Variants in PPP2R3A observed in about 807,000 individuals in gnomAD.
PPP2R3A encodes the protein serine/threonine-protein phosphatase 2A regulatory subunit B'' subunit alpha.
Under a neutral mutation model 106.9 loss-of-function variants are expected in PPP2R3A, and 80 were observed. That is an observed-to-expected ratio of 0.75 (90% CI 0.62 to 0.90). PPP2R3A has a LOEUF of 0.90. Among genes scored for constraint, PPP2R3A ranks in the 40% least tolerant of loss-of-function variants. The probability of loss-of-function intolerance (pLI) is 0.00; values close to 1 mark genes in which losing one functional copy is unlikely to be tolerated. For synonymous variants in PPP2R3A, 483 were observed against 468.3 expected, an observed-to-expected ratio of 1.03 and a Z score of -0.41; for missense variants, 1,386 against 1,350.4, an observed-to-expected ratio of 1.03 and a Z score of -0.41.
chr3:136,010,969 C>T (rs1384228363), intron 2 of PPP2R3A, among the ~76,000 whole-genome samples: 1 of 152,198 alleles, frequency 6.6e-6, no homozygotes, highest in East Asian at 1.9e-4. Flanking sequence ...GTCTGCTCTT[C>T]TTCACTCCAG....
At chr3:136,080,103 T>C (rs1019509303) in intron 7 of PPP2R3A, among the ~76,000 whole-genome samples, 1 of 152,258 alleles carries the variant, frequency 6.6e-6, no homozygotes, top group Non-Finnish European at 1.5e-5. Flanking sequence ...GTATGGCTGC[T>C]ATTTTGAGGG....
intron 5 of PPP2R3A, among the ~76,000 whole-genome samples, chr3:136,053,929 G>A (rs1480183616): frequency 1.3e-5 from 2 of 152,034 alleles, no homozygotes; most frequent in African/African-American, 2.4e-5. Flanking sequence ...CCAGGTATAT[G>A]AGGAAAATGA....
At chr3:135,993,496 A>C (rs1335768685) in intron 1 of PPP2R3A, among the ~76,000 whole-genome samples, 2 of 152,196 alleles carry the variant, frequency 1.3e-5, no homozygotes, top group African/African-American at 4.8e-5. Context: ...GGTTCTTATA[A>C]AGTTAAATGT....
intron 13 of PPP2R3A, among the ~76,000 whole-genome samples, chr3:136,124,221 G>A (rs1938098572): frequency 6.6e-6 from 1 of 152,138 alleles, no homozygotes; most frequent in Admixed American, 6.5e-5. Flanking sequence ...TGGGCACAGT[G>A]GCTCATGCCA....
intron 5 of PPP2R3A, among the ~76,000 whole-genome samples, chr3:136,069,231 G>A (rs1330077818): frequency 6.6e-6 from 1 of 152,126 alleles, no homozygotes; most frequent in African/African-American, 2.4e-5. Flanking sequence ...AGCTGGGAGA[G>A]GAGCATAGGA....
At chr3:135,968,528 G>A (rs765291110) in intron 1 of PPP2R3A, among the ~76,000 whole-genome samples, 1 of 152,176 alleles carries the variant, frequency 6.6e-6, no homozygotes, top group South Asian at 2.1e-4. Context: ...CCAGGAACAC[G>A]GAGAGTGATG....
chr3:136,081,176 A>G lies in PPP2R3A; in HGVS notation c.2632-1089A>G, dbSNP rs577735667. On this transcript the variant is annotated intron_variant, in intron 7 of 13. Transcript: ENST00000264977. ...CCCAGCTAATATTTGTATTTATAGT[A>G]GAGACGGGGTTTCACCATCTTGGCC... Among the ~76,000 whole-genome samples, 5 of 151,964 alleles carry G rather than the reference A, an allele frequency of 3.3e-5. No homozygotes were observed. In the South Asian group the frequency reaches 8.3e-4, roughly 25 times the overall value.
intron 12 of PPP2R3A, 111 bp downstream of exon 12, chr3:136,103,487 G>C (rs1442297410): frequency 1.4e-6 from 1 of 737,656 alleles, no homozygotes. Flanking sequence ...GGTAACATTT[G>C]TAACATTTCA....
At chr3:136,036,629 C>T (rs72983409) in intron 3 of PPP2R3A, among the ~76,000 whole-genome samples, 1,650 of 152,262 alleles carry the variant, frequency 0.011, 25 homozygotes, top group African/African-American at 0.037. Context: ...TTGGGTCCCA[C>T]AGGAACAGTC....
intron 5 of PPP2R3A, among the ~76,000 whole-genome samples, chr3:136,062,077 T>C (rs1030919322): frequency 6.6e-6 from 1 of 152,172 alleles, no homozygotes; most frequent in Admixed American, 6.5e-5. Flanking sequence ...GAAATGGATT[T>C]GAACTTAGAT....
intron 1 of PPP2R3A, among the ~76,000 whole-genome samples, chr3:135,976,515 CAACAT>C (rs1287691541): frequency 1.4e-4 from 21 of 152,264 alleles, no homozygotes; most frequent in Admixed American, 3.9e-4. Context: ...CTAGAATACA[CAACAT>C]AACAGGTGCT....
chr3:136,018,775 A>G (rs1214859498), intron 2 of PPP2R3A, among the ~76,000 whole-genome samples: 1 of 152,192 alleles, frequency 6.6e-6, no homozygotes, highest in Non-Finnish European at 1.5e-5. Flanking sequence ...TTAGGGTCAT[A>G]GTGGAGAGGC....
At chr3:135,975,719 T>C (rs758708227) in intron 1 of PPP2R3A, among the ~76,000 whole-genome samples, 2 of 152,176 alleles carry the variant, frequency 1.3e-5, no homozygotes, top group Non-Finnish European at 2.9e-5. Context: ...TGTGAATGTT[T>C]ATATTGCATA....
chr3:136,099,490 A>G lies in PPP2R3A; in HGVS notation c.2928-2517A>G, dbSNP rs540556803. Among the ~76,000 whole-genome samples the G allele has an allele frequency of 3.9e-4, 59 of 152,300 alleles. No individual in the cohort carries two copies. The East Asian group carries it at 4.0e-3, about 10-fold the overall frequency. On this transcript the variant is annotated intron_variant, in intron 10 of 13. Coordinates refer to ENST00000264977, the MANE Select transcript of PPP2R3A (RefSeq NM_002718.5). Reference sequence around the variant, plus strand: ...GAGTACAGGACATGAACAGAATGATACTTTCTATGAAAGGAACATTCAGGA... The same window carrying G: ...GAGTACAGGACATGAACAGAATGATGCTTTCTATGAAAGGAACATTCAGGA...
At position 136,145,992 on chromosome 3, in the gene PPP2R3A, G is replaced by A. The variant is rs1219105765; in HGVS notation, c.*826G>A. ...AACTGTTTTCACTTCCTATCAGAAG[G>A]CCTGCTTGAAGACATAAAGGAATAA... is the stretch of plus-strand genomic sequence containing the variant. On this transcript the variant is annotated 3_prime_UTR_variant, in exon 14 of 14. Coordinates refer to ENST00000264977, the MANE Select transcript of PPP2R3A (RefSeq NM_002718.5). 1.3e-5 allele frequency: 2 copies of A among 151,942 alleles called. No individual in the cohort carries two copies. The highest frequency in any genetic ancestry group is 4.8e-5 in the African/African-American group (2 of 41,364). 9.4% of individuals were successfully genotyped at this position (151,942 alleles called of 1,614,324 possible).
intron 5 of PPP2R3A, among the ~76,000 whole-genome samples, chr3:136,060,814 A>C (rs1488807342): frequency 6.6e-6 from 1 of 152,178 alleles, no homozygotes; most frequent in Admixed American, 6.5e-5. Flanking sequence ...ATTTCAAGAG[A>C]TCTATCATAC....
intron 8 of PPP2R3A, among the ~76,000 whole-genome samples, chr3:136,087,289 CT>C (rs1559912536): frequency 6.7e-6 from 1 of 150,040 alleles, no homozygotes; most frequent in African/African-American, 2.5e-5. Context: ...CTCTCTCTCT[CT>C]CTCTCTCTCA....
At chr3:136,090,038 C>T (rs1205074340) in intron 9 of PPP2R3A, among the ~76,000 whole-genome samples, 1 of 152,078 alleles carries the variant, frequency 6.6e-6, no homozygotes, top group Non-Finnish European at 1.5e-5. Context: ...GGTATAGAAT[C>T]ATGTTGTCAG....
In PPP2R3A at chr3:136,026,814, A is replaced by C; in HGVS notation, c.1996-18A>C. 1.3e-6 allele frequency: 2 copies of C among 1,583,002 alleles called. No individual in the cohort carries two copies. Among genetic ancestry groups the C allele is most frequent in the South Asian group, 2.3e-5 (2 of 86,454 alleles). On this transcript the variant is annotated intron_variant, in intron 2 of 13. Transcript: ENST00000264977. The stretch of plus-strand genomic sequence containing the variant: ...CTGTTTAAATTTTTTGTGTCTCATA[A>C]TCTTATTTTTCTTTTAGATTCAAAA...
Sources: allele counts gnomAD v4.1 joint callset (sites outside exome capture counted in the v4.1 genomes callset), GRCh38; gene constraint gnomAD v4.1.1; transcripts MANE v1.5; gene names NCBI Gene and HGNC (gene_info 2026-07-23, HGNC 2026-07-21).